Variants in PRKCE observed in about 807,000 individuals in gnomAD.
PRKCE encodes the protein protein kinase C epsilon, also known as protein kinase C epsilon type.
In PRKCE, 16 loss-of-function variants were observed where a neutral mutation model predicts 85.4. The ratio of observed to expected loss-of-function variants is 0.19; its 90% CI spans 0.13 to 0.28. PRKCE has a LOEUF of 0.28. Among genes scored for constraint, PRKCE ranks in the 10% least tolerant of loss-of-function variants. The pLI is 1.00. For missense variants in PRKCE, 573 were observed against 975.2 expected (o/e 0.59, Z 5.49); for synonymous variants, 388 against 371.5 (o/e 1.04, Z -0.51).
intron 1 of PRKCE, among the ~76,000 whole-genome samples, chr2:45,745,537 C>T (rs1054060279): frequency 6.6e-6 from 1 of 152,222 alleles, no homozygotes; most frequent in African/African-American, 2.4e-5. Flanking sequence ...GAAACGAAAG[C>T]ATGTGGAGGT....
At chr2:46,143,649 C>T (rs1675781059) in intron 11 of PRKCE, among the ~76,000 whole-genome samples, 1 of 152,158 alleles carries the variant, frequency 6.6e-6, no homozygotes, top group Non-Finnish European at 1.5e-5. Context: ...GTTTGTCTCA[C>T]TGCTCCATCA....
rs561308243 is a variant in PRKCE at position 45,916,067 on chromosome 2, T to C, written c.413-60362T>C. On this transcript the variant is annotated intron_variant, in intron 2 of 14. Transcript: ENST00000306156. ...ATGGCTCTAGGGCTCAAGAGAGAGA[T>C]GGTGGTATGAGGAAGGAACTCTAAG... Among the ~76,000 whole-genome samples, 10 of 152,060 alleles carry C rather than the reference T, an allele frequency of 6.6e-5. No homozygotes were observed. The East Asian group carries it at 9.7e-4, about 15-fold the overall frequency.
At chr2:45,671,021 C>G (rs1676134070) in intron 1 of PRKCE, among the ~76,000 whole-genome samples, 1 of 152,184 alleles carries the variant, frequency 6.6e-6, no homozygotes, top group Admixed American at 6.5e-5. Flanking sequence ...TTAGTTCATG[C>G]CCTGTAATAC....
chr2:45,703,587 G>T (rs1327703266), intron 1 of PRKCE, among the ~76,000 whole-genome samples: 1 of 151,918 alleles, frequency 6.6e-6, no homozygotes, highest in African/African-American at 2.4e-5. Context: ...GAAGCTCATT[G>T]ACGGTAGAGG....
rs367628974 is a variant in PRKCE at position 45,661,523 on chromosome 2, G to GTTTTTTTTTTTTTT, written c.348+9081_348+9082insTTTTTTTTTTTTTT. Among the ~76,000 whole-genome samples, 13 of 96,664 alleles carry GTTTTTTTTTTTTTT rather than the reference G, an allele frequency of 1.3e-4. 1 individual carries two copies. Among genetic ancestry groups the GTTTTTTTTTTTTTT allele is most frequent in the South Asian group, 3.6e-4 (1 of 2,804 alleles). The allele number at this position is 96,664 out of a possible 152,430, so 63.4% of individuals were successfully genotyped here. Reference sequence around the variant, plus strand: ...TTTTTTTTGTTTTGTTTTGTTTTTTGTTTTTTGTTTTTTTTTTTTTTTTTA... The same window carrying GTTTTTTTTTTTTTT: ...TTTTTTTTGTTTTGTTTTGTTTTTTGTTTTTTTTTTTTTTTTTTTTGTTTTTTTTTTTTTTTTTA... On this transcript the variant is annotated intron_variant, in intron 1 of 14. Transcript: ENST00000306156.
chr2:46,074,166 C>T (rs562254660), intron 10 of PRKCE, among the ~76,000 whole-genome samples: 59 of 152,152 alleles, frequency 3.9e-4, no homozygotes, highest in Middle Eastern at 3.4e-3. Flanking sequence ...AAAACAGTCA[C>T]AAGAACTTTG....
At chr2:45,882,002 T>C (rs1391183669) in intron 2 of PRKCE, among the ~76,000 whole-genome samples, 2 of 152,220 alleles carry the variant, frequency 1.3e-5, no homozygotes, top group South Asian at 2.1e-4. Flanking sequence ...AGCGCTGATA[T>C]GTCAGGTCTG....
intron 1 of PRKCE, among the ~76,000 whole-genome samples, chr2:45,750,156 A>G (rs1683437703): frequency 6.6e-6 from 1 of 152,208 alleles, no homozygotes; most frequent in African/African-American, 2.4e-5. Context: ...ATAACATAAA[A>G]TGTACCGTTA....
intron 2 of PRKCE, among the ~76,000 whole-genome samples, chr2:45,866,464 T>C (rs1424078114): frequency 1.3e-5 from 2 of 152,210 alleles, no homozygotes; most frequent in Admixed American, 6.5e-5. Context: ...CCGGCCACCA[T>C]GCCTGGCTAA....
intron 4 of PRKCE, 130 bp downstream of exon 4, chr2:45,979,140 C>A: frequency 1.1e-6 from 1 of 872,806 alleles, no homozygotes. Flanking sequence ...TTTCTTTGTT[C>A]CCACTTGACC....
At chr2:46,111,701 G>A (rs1352917980) in intron 11 of PRKCE, among the ~76,000 whole-genome samples, 7 of 152,206 alleles carry the variant, frequency 4.6e-5, no homozygotes, top group African/African-American at 1.7e-4. Context: ...TCATTGTTTG[G>A]ATATACCACA....
intron 2 of PRKCE, among the ~76,000 whole-genome samples, chr2:45,925,166 G>A (rs778461043): frequency 4.6e-5 from 7 of 152,174 alleles, no homozygotes; most frequent in Non-Finnish European, 8.8e-5. Flanking sequence ...TCTTGAGGAT[G>A]TCCAGTTTCT....
At chr2:45,693,204 G>A (rs972554262) in intron 1 of PRKCE, among the ~76,000 whole-genome samples, 1 of 152,148 alleles carries the variant, frequency 6.6e-6, no homozygotes, top group African/African-American at 2.4e-5. Context: ...AGGGCCGATT[G>A]GGAGAAAGGT....
intron 11 of PRKCE, among the ~76,000 whole-genome samples, chr2:46,098,891 T>C (rs1395862525): frequency 2.0e-5 from 3 of 152,052 alleles, no homozygotes; most frequent in Non-Finnish European, 2.9e-5. Context: ...CCCTCCCAGT[T>C]GGCCATGTTT....
chr2:45,997,603 G>C (rs1390311102), intron 6 of PRKCE, among the ~76,000 whole-genome samples: 2 of 152,064 alleles, frequency 1.3e-5, no homozygotes, highest in African/African-American at 2.4e-5. Flanking sequence ...CTGGAGTGCA[G>C]TGGTATGATC....
At chr2:45,871,452 T>C (rs940564384) in intron 2 of PRKCE, among the ~76,000 whole-genome samples, 15 of 152,332 alleles carry the variant, frequency 9.8e-5, no homozygotes, top group East Asian at 5.8e-4. Flanking sequence ...GGGCTATAAA[T>C]AGTTGCTCCG....
intron 1 of PRKCE, among the ~76,000 whole-genome samples, chr2:45,821,635 G>A (rs1330922333): frequency 6.6e-6 from 1 of 152,090 alleles, no homozygotes; most frequent in Non-Finnish European, 1.5e-5. Flanking sequence ...GGCATGTGTC[G>A]GGGGACTTGG....
At chr2:45,915,933 A>G (rs764513356) in intron 2 of PRKCE, among the ~76,000 whole-genome samples, 2 of 152,166 alleles carry the variant, frequency 1.3e-5, no homozygotes, top group Non-Finnish European at 2.9e-5. Context: ...TTCCACTGAG[A>G]TGAATTATGC....
At chr2:45,972,686 A>G (rs1359738554) in intron 2 of PRKCE, among the ~76,000 whole-genome samples, 2 of 152,220 alleles carry the variant, frequency 1.3e-5, no homozygotes, top group Non-Finnish European at 2.9e-5. Context: ...CATTGGATGT[A>G]CAGTTTTCCC....
Sources: gnomAD v4.1 joint callset for allele counts (sites outside exome capture counted in the v4.1 genomes callset) on GRCh38, gnomAD v4.1.1 for gene constraint, MANE v1.5 for transcripts, NCBI Gene and HGNC (gene_info 2026-07-23, HGNC 2026-07-21) for gene names.